Variants in TLK1 observed in about 807,000 individuals in gnomAD.
The protein encoded by TLK1 is serine/threonine-protein kinase tousled-like 1.
In TLK1, 24 loss-of-function variants were observed where a neutral mutation model predicts 105.3. That is an observed-to-expected ratio of 0.23 (90% CI 0.17 to 0.32). The LOEUF is 0.32. Among genes scored for constraint, TLK1 ranks in the 10% least tolerant of loss-of-function variants. TLK1 has a pLI of 1.00. For missense variants in TLK1, 558 were observed against 910.5 expected (o/e 0.61, Z 4.98); for synonymous variants, 321 against 310.4 (o/e 1.03, Z -0.36).
chr2:171,218,721 C>G (rs1693757886), intron 1 of TLK1, among the ~76,000 whole-genome samples: 1 of 151,818 alleles, frequency 6.6e-6, no homozygotes. Context: ...TGTGGAGAGG[C>G]AAAAGTGCAA....
intron 12 of TLK1, among the ~76,000 whole-genome samples, chr2:171,021,699 T>A (rs541248984): frequency 1.3e-5 from 2 of 152,312 alleles, no homozygotes; most frequent in South Asian, 4.1e-4. Context: ...CTGAACTGAA[T>A]TTACAAATCT....
chr2:171,083,617 A>G (rs377355486), intron 2 of TLK1, among the ~76,000 whole-genome samples: 1 of 152,232 alleles, frequency 6.6e-6, no homozygotes, highest in South Asian at 2.1e-4. Flanking sequence ...GCAAGAATTA[A>G]CATTACATAC....
chr2:171,150,786 T>A (rs947150446), intron 1 of TLK1, among the ~76,000 whole-genome samples: 14 of 152,212 alleles, frequency 9.2e-5, no homozygotes, highest in African/African-American at 3.4e-4. Context: ...ACCCTCCACA[T>A]ACAATACCCA....
At position 171,160,566 on chromosome 2, in the gene TLK1, A is replaced by G. The variant is rs1294148387; in HGVS notation, c.-138T>C. The G allele has an allele frequency of 3.3e-6, 3 of 899,972 alleles. No individual in the cohort carries two copies. The highest frequency in any genetic ancestry group is 3.8e-5 in the African/African-American group (2 of 52,406). 55.7% of individuals were successfully genotyped at this position (899,972 alleles called of 1,614,324 possible). On this transcript the variant is annotated 5_prime_UTR_variant, in exon 1 of 21. Coordinates refer to ENST00000431350, the MANE Select transcript of TLK1 (RefSeq NM_012290.5). This position sits in a 1 kb window ranked among gnomAD's most constrained non-coding sequence, Gnocchi z 4.4. ...GGGCTGGGAGGGGAGAGTCAAGGGG[A>G]TGGGGGAGGAAACCGAGAAGAGGGG...
At chr2:171,086,707 T>C (rs1284631219) in intron 2 of TLK1, among the ~76,000 whole-genome samples, 1 of 152,066 alleles carries the variant, frequency 6.6e-6, no homozygotes, top group Non-Finnish European at 1.5e-5. Context: ...TTCCTGTTTT[T>C]ACAGCTTTTG....
chr2:171,075,035 A>T (rs1360944755), intron 3 of TLK1, among the ~76,000 whole-genome samples: 3 of 152,056 alleles, frequency 2.0e-5, no homozygotes, highest in Non-Finnish European at 4.4e-5. Flanking sequence ...AAAAAAAAAA[A>T]GATTTCTCCA....
chr2:171,116,180 G>A (rs1690416854), intron 2 of TLK1, among the ~76,000 whole-genome samples: 1 of 152,108 alleles, frequency 6.6e-6, no homozygotes, highest in Non-Finnish European at 1.5e-5. Context: ...AATGTGCTAT[G>A]AATTCACACA....
intron 1 of TLK1, among the ~76,000 whole-genome samples, chr2:171,145,230 T>A (rs762657155): frequency 2.0e-5 from 3 of 150,680 alleles, no homozygotes; most frequent in Non-Finnish European, 3.0e-5. Context: ...ATCGTTTGAA[T>A]CCAAGAGGCA....
intron 18 of TLK1, among the ~76,000 whole-genome samples, chr2:171,004,605 C>T (rs1684559302): frequency 6.6e-6 from 1 of 152,128 alleles, no homozygotes; most frequent in African/African-American, 2.4e-5. Flanking sequence ...TTGTCCTTCC[C>T]TATACTAGTG....
intron 11 of TLK1, among the ~76,000 whole-genome samples, chr2:171,029,558 G>T (rs1685940560): frequency 6.6e-6 from 1 of 152,198 alleles, no homozygotes; most frequent in East Asian, 1.9e-4. Context: ...TGAACTCCTG[G>T]GCTCAGGTGA....
At chr2:171,033,834 A>G (rs1686173792) in intron 11 of TLK1, among the ~76,000 whole-genome samples, 1 of 151,376 alleles carries the variant, frequency 6.6e-6, no homozygotes, top group African/African-American at 2.4e-5. Flanking sequence ...GACAACTTAC[A>G]GAATAGCAGA....
intron 1 of TLK1, among the ~76,000 whole-genome samples, chr2:171,127,303 A>C (rs1355869307): frequency 1.3e-5 from 2 of 150,380 alleles, no homozygotes; most frequent in Non-Finnish European, 3.0e-5. Context: ...AGAAAGAAAA[A>C]ATTCAAGAAG....
chr2:171,189,898 G>A (rs1693111539), intron 1 of TLK1, among the ~76,000 whole-genome samples: 1 of 152,068 alleles, frequency 6.6e-6, no homozygotes, highest in Non-Finnish European at 1.5e-5. Flanking sequence ...TCATGCCACT[G>A]CACTCCAGCC....
At chr2:171,041,451 C>T (rs375303910) in intron 11 of TLK1, among the ~76,000 whole-genome samples, 12 of 152,308 alleles carry the variant, frequency 7.9e-5, no homozygotes, top group South Asian at 6.2e-4. Context: ...AGACCTGTAC[C>T]GTCCATGGCC....
At chr2:171,151,470 C>CTTTTTTTTT in intron 1 of TLK1, among the ~76,000 whole-genome samples, 1 of 124,270 alleles carries the variant, frequency 8.0e-6, no homozygotes, top group Middle Eastern at 4.5e-3. Context: ...ATATGTGTAT[C>CTTTTTTTTT]TTTTTTTTTT....
At chr2:171,143,038 A>T (rs1256041736) in intron 1 of TLK1, among the ~76,000 whole-genome samples, 2 of 152,180 alleles carry the variant, frequency 1.3e-5, no homozygotes, top group Admixed American at 1.3e-4. Flanking sequence ...AGATCATGCC[A>T]CTACTCCAGC....
At chr2:171,047,105 A>C (rs1209982759) in intron 10 of TLK1, among the ~76,000 whole-genome samples, 1 of 152,174 alleles carries the variant, frequency 6.6e-6, no homozygotes, top group Middle Eastern at 3.2e-3. Context: ...AGTAACAAAA[A>C]TAAAATCAAT....
intron 2 of TLK1, among the ~76,000 whole-genome samples, chr2:171,101,796 G>C (rs963624811): frequency 2.0e-5 from 3 of 151,894 alleles, no homozygotes; most frequent in African/African-American, 7.3e-5. Context: ...CAAAAGAATA[G>C]GTTTTTTTAA....
At chr2:171,043,527 T>C (rs1334210768) in intron 11 of TLK1, among the ~76,000 whole-genome samples, 1 of 152,094 alleles carries the variant, frequency 6.6e-6, no homozygotes, top group African/African-American at 2.4e-5. Context: ...TTCAGAAAAA[T>C]GACTCTACGA....
Sources: gnomAD v4.1 joint callset for allele counts (sites outside exome capture counted in the v4.1 genomes callset) on GRCh38, gnomAD v4.1.1 for gene constraint, Gnocchi (gnomAD v3.1) non-coding constraint, MANE v1.5 for transcripts, NCBI Gene and HGNC (gene_info 2026-07-23, HGNC 2026-07-21) for gene names.